Variants in ASTN1 observed in about 807,000 individuals in gnomAD.
The protein encoded by ASTN1 is astrotactin-1.
Under a neutral mutation model 140.7 loss-of-function variants are expected in ASTN1, and 41 were observed. The observed-to-expected ratio is 0.29, with a 90% confidence interval of 0.23 to 0.38. The LOEUF (loss-of-function observed/expected upper bound fraction) is 0.38. Ranked by LOEUF, ASTN1 falls within the 10% of genes least tolerant of loss-of-function variation. The probability of loss-of-function intolerance (pLI) is 1.00; values close to 1 mark genes in which losing one functional copy is unlikely to be tolerated. For synonymous variants in ASTN1, 640 were observed against 652.2 expected (o/e 0.98, Z 0.29); for missense variants, 1,479 against 1,678.8 (o/e 0.88, Z 2.08).
chr1:176,981,020 T>G (rs1673587537), intron 8 of ASTN1, among the ~76,000 whole-genome samples: 1 of 151,688 alleles, frequency 6.6e-6, no homozygotes, highest in African/African-American at 2.4e-5. Flanking sequence ...GAGACCAGCC[T>G]GGCCAACATG....
chr1:177,010,847 C>A (rs116121918), intron 8 of ASTN1, among the ~76,000 whole-genome samples: 4 of 152,300 alleles, frequency 2.6e-5, no homozygotes, highest in African/African-American at 9.6e-5. Context: ...CTGAGATAAT[C>A]CAGATAAATA....
At chr1:176,900,045 A>G (rs1452049348) in intron 16 of ASTN1, among the ~76,000 whole-genome samples, 1 of 152,164 alleles carries the variant, frequency 6.6e-6, no homozygotes, top group Non-Finnish European at 1.5e-5. Flanking sequence ...CCATATATCC[A>G]TGAACATATT....
chr1:177,039,074 C>A (rs897245454), intron 2 of ASTN1, among the ~76,000 whole-genome samples: 3 of 152,170 alleles, frequency 2.0e-5, no homozygotes, highest in African/African-American at 7.2e-5. Flanking sequence ...GCTTTCTGAA[C>A]CCTTGGCAGA....
intron 11 of ASTN1, among the ~76,000 whole-genome samples, chr1:176,956,226 C>T (rs1672393805): frequency 6.6e-6 from 1 of 152,130 alleles, no homozygotes; most frequent in Non-Finnish European, 1.5e-5. Context: ...CACAGGTTCT[C>T]CTCCTACTTG....
intron 1 of ASTN1, among the ~76,000 whole-genome samples, chr1:177,067,784 C>G (rs1678438132): frequency 6.6e-6 from 1 of 151,974 alleles, no homozygotes; most frequent in South Asian, 2.1e-4. Flanking sequence ...ATGTCCTGGC[C>G]ATCTGTGAAG....
intron 18 of ASTN1, among the ~76,000 whole-genome samples, chr1:176,887,100 G>C (rs188541965): frequency 6.6e-6 from 1 of 152,168 alleles, no homozygotes; most frequent in Admixed American, 6.5e-5. Flanking sequence ...CTCTCCTATT[G>C]TTCATCCCCA....
intron 21 of ASTN1, among the ~76,000 whole-genome samples, chr1:176,872,208 TAAA>T (rs748764389): frequency 6.8e-6 from 1 of 147,368 alleles, no homozygotes; most frequent in South Asian, 2.1e-4. Flanking sequence ...TTTTTTTTTT[TAAA>T]AAAAAGCACA....
At chr1:176,876,125 C>A (rs922650858) in intron 21 of ASTN1, among the ~76,000 whole-genome samples, 2 of 152,166 alleles carry the variant, frequency 1.3e-5, no homozygotes, top group African/African-American at 2.4e-5. Flanking sequence ...CAATTAACTG[C>A]AAATCTGCAG....
chr1:177,153,318 G>C (rs1683117013), intron 1 of ASTN1, among the ~76,000 whole-genome samples: 2 of 152,086 alleles, frequency 1.3e-5, no homozygotes, highest in Admixed American at 6.6e-5. Flanking sequence ...ACCATGAGTG[G>C]AAGCAGCCTA....
chr1:177,005,210 C>T (rs767859327), intron 8 of ASTN1, among the ~76,000 whole-genome samples: 24 of 151,792 alleles, frequency 1.6e-4, no homozygotes, highest in Non-Finnish European at 2.9e-4. Context: ...ATACAAATGG[C>T]CAGAGAAACA....
At chr1:177,133,088 C>A (rs1682018493) in intron 1 of ASTN1, among the ~76,000 whole-genome samples, 1 of 152,190 alleles carries the variant, frequency 6.6e-6, no homozygotes, top group South Asian at 2.1e-4. Context: ...CTGTGCCTGT[C>A]CAGCTGAATC....
intron 1 of ASTN1, among the ~76,000 whole-genome samples, chr1:177,134,111 A>T (rs1444876384): frequency 6.6e-6 from 1 of 152,190 alleles, no homozygotes; most frequent in East Asian, 1.9e-4. Context: ...ACATCTACAA[A>T]ATTCATCATT....
chr1:176,941,352 A>T (rs980431697), intron 14 of ASTN1, among the ~76,000 whole-genome samples: 1 of 152,316 alleles, frequency 6.6e-6, no homozygotes, highest in African/African-American at 2.4e-5. Flanking sequence ...AAAATAGGTT[A>T]AAAACAAACG....
Position 177,008,264 on chromosome 1 carries a change from G to A in ASTN1, c.1523+6527C>T, listed in dbSNP as rs541541566. Among the ~76,000 whole-genome samples the A allele has an allele frequency of 2.0e-5, 3 of 152,256 alleles. No homozygotes were observed. In the South Asian group the frequency reaches 6.2e-4, roughly 32 times the overall value. Reference sequence around the variant, plus strand: ...AGGGCACCTCTAGAGAGAAGAAACAGAACTTTAGGTTTAATTCCAAGAGCC... The same window carrying A: ...AGGGCACCTCTAGAGAGAAGAAACAAAACTTTAGGTTTAATTCCAAGAGCC... On this transcript the variant is annotated intron_variant, in intron 8 of 22. Coordinates refer to ENST00000361833, the MANE Select transcript of ASTN1 (RefSeq NM_004319.3).
chr1:176,957,552 A>T, intron 11 of ASTN1, 126 bp downstream of exon 11: 1 of 1,229,270 alleles, frequency 8.1e-7, no homozygotes, highest in Non-Finnish European at 1.1e-6. Context: ...TCCCTAATTT[A>T]CACTAAATGG....
rs868251394 is a variant in ASTN1 at position 177,138,638 on chromosome 1, G to A, written c.283+25756C>T. Among the ~76,000 whole-genome samples, 3 of 152,308 alleles carry A rather than the reference G, an allele frequency of 2.0e-5. No individual in the cohort carries two copies. The Middle Eastern group carries it at 0.01, about 518-fold the overall frequency. ...TTTGCCATGTTAATGTACCCGGACAGCTCTGCTTCACAAGATTTAGAAGAG... is the reference window on the plus strand; with the variant it reads ...TTTGCCATGTTAATGTACCCGGACAACTCTGCTTCACAAGATTTAGAAGAG... On this transcript the variant is annotated intron_variant, in intron 1 of 22. Transcript: ENST00000361833.
At chr1:177,064,898 A>G (rs1173308675) in intron 1 of ASTN1, among the ~76,000 whole-genome samples, 1 of 152,226 alleles carries the variant, frequency 6.6e-6, no homozygotes, top group Non-Finnish European at 1.5e-5. Flanking sequence ...CACAGGGCAC[A>G]GTAAGTGTCT....
chr1:177,004,369 C>A (rs917095150), intron 8 of ASTN1, among the ~76,000 whole-genome samples: 1 of 152,000 alleles, frequency 6.6e-6, no homozygotes, highest in African/African-American at 2.4e-5. Flanking sequence ...TTGGAAGAAC[C>A]AATATCATGA....
intron 1 of ASTN1, among the ~76,000 whole-genome samples, chr1:177,113,472 C>T (rs1680919423): frequency 6.6e-6 from 1 of 152,230 alleles, no homozygotes; most frequent in Non-Finnish European, 1.5e-5. Context: ...CTGTCATCCC[C>T]TTGACCTTGG....
Sources: allele counts gnomAD v4.1 joint callset (sites outside exome capture counted in the v4.1 genomes callset), GRCh38; gene constraint gnomAD v4.1.1; transcripts MANE v1.5; gene names NCBI Gene and HGNC (gene_info 2026-07-23, HGNC 2026-07-21).